Variants in AHNAK observed in about 807,000 individuals in gnomAD.
AHNAK encodes neuroblast differentiation-associated protein AHNAK.
Under a neutral mutation model 37.8 loss-of-function variants are expected in AHNAK, and 23 were observed. That is an observed-to-expected ratio of 0.61 (90% CI 0.44 to 0.86). AHNAK has a LOEUF of 0.86. Ranked by LOEUF, AHNAK falls within the 40% of genes least tolerant of loss-of-function variation. The probability of loss-of-function intolerance (pLI) is 0.00; values close to 1 mark genes in which losing one functional copy is unlikely to be tolerated. For missense variants in AHNAK, 7,411 were observed against 7,319.4 expected (o/e 1.01, Z -0.46); for synonymous variants, 2,481 against 2,636.3 (o/e 0.94, Z 1.80).
At position 62,532,513 on chromosome 11, in the gene AHNAK, G is replaced by A. The variant is rs146013258; in HGVS notation, c.1904C>T (p.Thr635Met). Residue 635 changes from threonine (T) to methionine (M), a missense_variant, in exon 5 of 5, where the codon ACG becomes ATG. By Grantham distance (81) the Thr-to-Met change is moderately conservative (BLOSUM62 -1). Transcript: ENST00000378024. ...NLKMPKMKMP[T>M]FSTPGAKGEG... ...CCCTTTGGCTCCTGGAGTGCTGAAC[G>A]TGGGCATTTTCATCTTGGGCATTTT... 9.8e-5 allele frequency: 158 copies of A among 1,612,970 alleles called. No individual in the cohort carries two copies. The African/African-American group carries it at 1.1e-3, about 12-fold the overall frequency.
In AHNAK at chr11:62,529,856, G is replaced by A. The variant is rs781569447; in HGVS notation, c.4561C>T (p.Pro1521Ser). 1 of 1,613,928 alleles carries A rather than the reference G, an allele frequency of 6.2e-7. No individual in the cohort carries two copies. The highest frequency in any genetic ancestry group is 1.7e-5 in the Admixed American group (1 of 59,984). The change falls in exon 5 of 5, where the codon CCT (proline) becomes TCT (serine). Residue 1521 changes from proline to serine, a missense_variant. Transcript: ENST00000378024. ...TCTGGGCCCTCTCCTTTAAAGCCAG[G>A]CATGCTGAACTTGGGCATTTTTACC... is the stretch of plus-strand genomic sequence containing the variant. Reference protein sequence around the residue: ...PKVKMPKFSMPGFKGEGPEVD... With the variant: ...PKVKMPKFSMSGFKGEGPEVD...
chr11:62,454,849 G>A (rs1349145418), intron 5 of AHNAK, among the ~76,000 whole-genome samples: 3 of 152,054 alleles, frequency 2.0e-5, no homozygotes, highest in African/African-American at 7.2e-5. Context: ...CTCCTCAAAC[G>A]GCTCCAAGAA....
chr11:62,448,099 C>A (rs1340778210), intron 5 of AHNAK, among the ~76,000 whole-genome samples: 1 of 151,992 alleles, frequency 6.6e-6, no homozygotes, highest in Non-Finnish European at 1.5e-5. Context: ...GATGGTGAAC[C>A]CTGGATGAAG....
Position 62,526,476 on chromosome 11 carries a change from G to A in AHNAK, c.7941C>T (p.Ser2647=), listed in dbSNP as rs486903. 1,155,906 of 1,611,716 alleles carry A rather than the reference G, an allele frequency of 0.72. 433,097 individuals are homozygous for A. The highest frequency in any genetic ancestry group is 0.77 in the Non-Finnish European group (902,035 of 1,178,772). Residue 2647 remains serine (S), a synonymous_variant, in exon 5 of 5, where the codon AGC becomes AGT. Coordinates refer to ENST00000378024, the MANE Select transcript of AHNAK (RefSeq NM_001620.3). The part of the protein sequence containing the change: ...KMPKVKMPKF[S]MPGFKGEGPD... ...GGCCCTCTCCTTTGAAGCCAGGCAT[G>A]CTGAACTTTGGCATTTTCACCTTGG...
At chr11:62,447,198 G>A (rs935163366) in intron 5 of AHNAK, among the ~76,000 whole-genome samples, 13 of 152,118 alleles carry the variant, frequency 8.5e-5, no homozygotes, top group East Asian at 1.9e-4. Flanking sequence ...AATGGCAAGC[G>A]CTATTCCCTC....
chr11:62,527,050 G>A lies in AHNAK; in HGVS notation c.7367C>T (p.Pro2456Leu). The A allele has an allele frequency of 6.2e-7, 1 of 1,614,134 alleles. No homozygotes were observed. The highest frequency in any genetic ancestry group is 8.5e-7 in the Non-Finnish European group (1 of 1,180,038). Reference sequence around the variant, plus strand: ...TCCTTTGAGATTTAGATCAACATCAGGCATAGAAATATTGGGGGCTTTGAA... The same window carrying A: ...TCCTTTGAGATTTAGATCAACATCAAGCATAGAAATATTGGGGGCTTTGAA... The part of the protein sequence containing the change: ...MHFKAPNISM[P>L]DVDLNLKGPK... The change falls in exon 5 of 5, where the codon CCT (proline) becomes CTT (leucine). Residue 2456 changes from proline (P) to leucine (L), a missense_variant. Transcript: ENST00000378024.
intron 5 of AHNAK, among the ~76,000 whole-genome samples, chr11:62,447,192 G>T (rs1565196776): frequency 6.6e-6 from 1 of 152,116 alleles, no homozygotes; most frequent in Non-Finnish European, 1.5e-5. Context: ...TGTGCTAATG[G>T]CAAGCGCTAT....
At chr11:62,506,585 T>A (rs1750774898) in intron 4 of AHNAK, among the ~76,000 whole-genome samples, 1 of 152,162 alleles carries the variant, frequency 6.6e-6, no homozygotes, top group South Asian at 2.1e-4. Flanking sequence ...GGGCCCCAGC[T>A]GGCCAGAGGG....
exon 6 of AHNAK, chr11:62,433,786 T>G: frequency 6.5e-7 from 1 of 1,549,624 alleles, no homozygotes; most frequent in Non-Finnish European, 8.9e-7. Flanking sequence ...TTGTTGCCCT[T>G]GGCACAGCAA....
chr11:62,467,058 G>A (rs1938926003), intron 5 of AHNAK, among the ~76,000 whole-genome samples: 2 of 151,890 alleles, frequency 1.3e-5, no homozygotes, highest in Non-Finnish European at 2.9e-5. Context: ...CCAAAACTTA[G>A]CCAGGCCTGG....
intron 5 of AHNAK, among the ~76,000 whole-genome samples, chr11:62,463,536 A>C (rs1938836336): frequency 1.3e-5 from 2 of 152,044 alleles, no homozygotes; most frequent in South Asian, 4.1e-4. Context: ...TGCACCAAGA[A>C]AAATTAAGCC....
intron 5 of AHNAK, among the ~76,000 whole-genome samples, chr11:62,489,198 G>A (rs567272382): frequency 2.0e-5 from 3 of 149,814 alleles, no homozygotes; most frequent in Admixed American, 1.3e-4. Context: ...TTGATATCAC[G>A]CCACTGCATT....
chr11:62,455,837 C>T lies in AHNAK; in HGVS notation c.443-21946G>A, dbSNP rs1251672947. Among the ~76,000 whole-genome samples the T allele has an allele frequency of 2.8e-5, 4 of 145,046 alleles. No individual in the cohort carries two copies. The South Asian group carries it at 8.8e-4, about 32-fold the overall frequency. On this transcript the variant is annotated intron_variant, in intron 5 of 5. Coordinates refer to the AHNAK transcript ENST00000257247. ...CCAAGATCGCACCATTGCACTCCAG[C>T]CTGGGTAACGAGCAAATCTCCATCC... is the stretch of plus-strand genomic sequence containing the variant.
At chr11:62,440,226 G>T (rs142594843) in intron 5 of AHNAK, among the ~76,000 whole-genome samples, 24 of 152,278 alleles carry the variant, frequency 1.6e-4, no homozygotes, top group African/African-American at 5.5e-4. Flanking sequence ...AGGGGCCTTA[G>T]ATATGATCTA....
chr11:62,445,260 C>T (rs1214429330), intron 5 of AHNAK, among the ~76,000 whole-genome samples: 2 of 152,130 alleles, frequency 1.3e-5, no homozygotes, highest in Non-Finnish European at 2.9e-5. Context: ...AACATTCCCG[C>T]TAAGAACTTC....
intron 4 of AHNAK, among the ~76,000 whole-genome samples, chr11:62,507,267 C>T (rs1004415257): frequency 6.6e-6 from 1 of 152,118 alleles, no homozygotes; most frequent in African/African-American, 2.4e-5. Flanking sequence ...TTCTCTGAGC[C>T]TCAGTTTCTT....
chr11:62,467,330 T>C (rs1031109028), intron 5 of AHNAK, among the ~76,000 whole-genome samples: 51 of 152,236 alleles, frequency 3.4e-4, no homozygotes, highest in African/African-American at 1.2e-3. Context: ...TTAGAAAGTA[T>C]ACCCTATAAA....
intron 5 of AHNAK, among the ~76,000 whole-genome samples, chr11:62,463,146 G>C (rs1330588539): frequency 7.1e-6 from 1 of 141,428 alleles, no homozygotes; most frequent in African/African-American, 2.7e-5. Context: ...AAAAAAAAAA[G>C]AGTTGGCTTC....
chr11:62,524,352 G>A lies in AHNAK; in HGVS notation c.10065C>T (p.Pro3355=), dbSNP rs766632204. 4 of 1,613,156 alleles carry A rather than the reference G, an allele frequency of 2.5e-6. No homozygotes were observed. The Admixed American group carries it at 6.7e-5, about 27-fold the overall frequency. The change falls in exon 5 of 5, where the codon CCC becomes CCT. Residue 3355 remains proline, a synonymous_variant. Coordinates refer to ENST00000378024, the MANE Select transcript of AHNAK (RefSeq NM_001620.3). ...GKSKKSRFKL[P]KFNFSGSKVQ... ...CTTTAGAGCCCGAAAAATTAAATTT[G>A]GGAAGCTTAAAACGAGATTTCTTTG... is the stretch of plus-strand genomic sequence containing the variant.
Sources: allele counts gnomAD v4.1 joint callset (sites outside exome capture counted in the v4.1 genomes callset), GRCh38; gene constraint gnomAD v4.1.1; transcripts MANE v1.5; gene names NCBI Gene and HGNC (gene_info 2026-07-23, HGNC 2026-07-21).